TRIM37: variants seen among roughly 807,000 people sequenced by gnomAD.
TRIM37 encodes the protein E3 ubiquitin-protein ligase TRIM37.
A neutral mutation model predicts 129.8 loss-of-function variants in TRIM37; 80 were observed. That is an observed-to-expected ratio of 0.62 (90% confidence interval 0.51 to 0.74). TRIM37 has a LOEUF of 0.74. Ranked by LOEUF, TRIM37 falls within the 30% of genes least tolerant of loss-of-function variation. The pLI, the probability that TRIM37 is intolerant of heterozygous loss-of-function variation, is 0.00. For synonymous variants in TRIM37, 389 were observed against 387.1 expected, an observed-to-expected ratio of 1.00 and a Z score of -0.06; for missense variants, 1,054 against 1,176.5, an observed-to-expected ratio of 0.90 and a Z score of 1.52.
At chr17:59,024,552 G>A (rs544346266) in intron 19 of TRIM37, among the ~76,000 whole-genome samples, 1 of 152,306 alleles carries the variant, frequency 6.6e-6, no homozygotes, top group East Asian at 1.9e-4. Context: ...TTTTAAGAGA[G>A]AGAGAGAGAC....
At chr17:58,982,890 T>A in exon 25 of TRIM37, 1 of 1,570,468 alleles carries the variant, frequency 6.4e-7, no homozygotes, top group Non-Finnish European at 8.7e-7. Flanking sequence ...TGTTAACCCA[T>A]CAGGTGCAGT....
In TRIM37 at chr17:59,028,443, T is replaced by C. The variant is rs1555650856; in HGVS notation, c.2229A>G (p.Ser743=). ...QDLGMELLAK[S]SVANCYIRNS... Reference sequence around the variant, plus strand: ...TTCGTATGTAACAATTGGCAACTGATGACTTTGCCAGGAGTTCCATTCCCA... The same window carrying C: ...TTCGTATGTAACAATTGGCAACTGACGACTTTGCCAGGAGTTCCATTCCCA... Residue 743 remains serine (S), a synonymous_variant, in exon 19 of 24, where the codon TCA becomes TCG. Transcript: ENST00000262294. 1 of 1,613,720 alleles carries C rather than the reference T, an allele frequency of 6.2e-7. No individual in the cohort carries two copies. The highest frequency in any genetic ancestry group is 8.5e-7 in the Non-Finnish European group (1 of 1,180,034).
intron 12 of TRIM37, among the ~76,000 whole-genome samples, chr17:59,060,751 T>C (rs1376287013): frequency 6.6e-6 from 1 of 152,130 alleles, no homozygotes; most frequent in Admixed American, 6.5e-5. Flanking sequence ...TCAATCAAAA[T>C]GATATTTTAA....
chr17:59,001,768 G>C (rs1393314275), intron 22 of TRIM37, 54 bp from the exon 23 acceptor site: 3 of 1,605,044 alleles, frequency 1.9e-6, no homozygotes, highest in East Asian at 2.2e-5. Flanking sequence ...GTAAGTAAAA[G>C]GAAACAGAAA....
chr17:59,008,675 G>T (rs1240106807), intron 22 of TRIM37, among the ~76,000 whole-genome samples: 1 of 152,132 alleles, frequency 6.6e-6, no homozygotes, highest in African/African-American at 2.4e-5. Flanking sequence ...GAGGCAGAAG[G>T]ATCATTTGAG....
intron 2 of TRIM37, among the ~76,000 whole-genome samples, chr17:59,099,562 G>T (rs574322154): frequency 6.6e-6 from 1 of 151,956 alleles, no homozygotes; most frequent in African/African-American, 2.4e-5. Context: ...AAAATGGGGG[G>T]CACTGAACAG....
chr17:59,074,218 T>C (rs11650456), intron 8 of TRIM37, among the ~76,000 whole-genome samples: 50,727 of 152,192 alleles, frequency 0.33, 8,967 homozygotes, highest in Middle Eastern at 0.49. Context: ...ATTTTAATCT[T>C]GTGGGACCAC....
At chr17:58,973,550 C>CA in the TRIM37 span, among the ~76,000 whole-genome samples, 1 of 151,764 alleles carries the variant, frequency 6.6e-6, no homozygotes, top group South Asian at 2.1e-4. Context: ...CACAGTGGCT[C>CA]ACGCCTGTAA....
intron 16 of TRIM37, among the ~76,000 whole-genome samples, chr17:59,046,857 A>G (rs1478743866): frequency 6.6e-6 from 1 of 151,182 alleles, no homozygotes; most frequent in African/African-American, 2.4e-5. Flanking sequence ...AAATTTTTAA[A>G]AAAGTAACCC....
rs749441889 is a variant in TRIM37 at position 59,012,215 on chromosome 17, C to CCAGCAGCAGCAGCAGCAGCAGCAGCAG, written c.2695+112_2695+113insCTGCTGCTGCTGCTGCTGCTGCTGCTG. On this transcript the variant is annotated intron_variant, in intron 22 of 23. Coordinates refer to ENST00000262294, the MANE Select transcript of TRIM37 (RefSeq NM_015294.6). Reference sequence around the variant, plus strand: ...CCACTCCCTATCCCTATCACTACCACCAGCAGCAGCAGCACCACCACCACC... The same window carrying CCAGCAGCAGCAGCAGCAGCAGCAGCAG: ...CCACTCCCTATCCCTATCACTACCACCAGCAGCAGCAGCAGCAGCAGCAGCAGCAGCAGCAGCAGCACCACCACCACC... The CCAGCAGCAGCAGCAGCAGCAGCAGCAG allele has an allele frequency of 2.1e-5, 12 of 567,552 alleles. No individual in the cohort carries two copies. The African/African-American group carries it at 2.5e-4, about 12-fold the overall frequency. The allele number at this position is 567,552 out of a possible 1,614,324, so 35.2% of individuals were successfully genotyped here.
rs1343994189 is a variant in TRIM37, at chr17:58,998,903, A to G, written c.*474T>C. 5.9e-6 allele frequency: 6 copies of G among 1,017,140 alleles called. No homozygotes were observed. Among genetic ancestry groups the G allele is most frequent in the Non-Finnish European group, 7.1e-6 (6 of 848,606 alleles). The allele number at this position is 1,017,140 out of a possible 1,614,324, so 63.0% of individuals were successfully genotyped here. ...TACAGGGCAGAATCTCTTCCAAAGC[A>G]ATTTTCTGTTCACTAATCTACAGGC... On this transcript the variant is annotated 3_prime_UTR_variant, in exon 24 of 24. Coordinates refer to ENST00000262294, the MANE Select transcript of TRIM37 (RefSeq NM_015294.6).
At position 59,056,716 on chromosome 17, in the gene TRIM37, CAAAAAAAAAAAAAAAAA is replaced by C. The variant is rs869221576; in HGVS notation, c.1199+142_1199+158del. ...GGGCGACAGAGCGAGACTATGTCTC[CAAAAAAAAAAAAAAAAA>C]AAAAAAAAAAAAAAGGTGATAAGGT... On this transcript the variant is annotated intron_variant, in intron 13 of 23. Coordinates refer to ENST00000262294, the MANE Select transcript of TRIM37 (RefSeq NM_015294.6). Among the ~76,000 whole-genome samples the C allele has an allele frequency of 1.2e-3, 45 of 38,056 alleles. 1 individual carries two copies. The highest frequency in any genetic ancestry group is 2.9e-3 in the African/African-American group (36 of 12,432). The allele number at this position is 38,056 out of a possible 152,430, so 25.0% of individuals were successfully genotyped here.
intron 19 of TRIM37, among the ~76,000 whole-genome samples, chr17:59,022,951 G>C (rs1027695497): frequency 6.6e-6 from 1 of 152,116 alleles, no homozygotes; most frequent in Non-Finnish European, 1.5e-5. Context: ...GCACAGGCTT[G>C]TTGTACTGTA....
chr17:59,024,858 C>G (rs1426341002), intron 19 of TRIM37, among the ~76,000 whole-genome samples: 1 of 152,194 alleles, frequency 6.6e-6, no homozygotes, highest in Admixed American at 6.5e-5. Context: ...TAAAGCAATT[C>G]CAGTCAAAAT....
chr17:59,098,217 TA>T lies in TRIM37; in HGVS notation c.123+6075del, dbSNP rs573479527. On this transcript the variant is annotated intron_variant, in intron 2 of 23. Transcript: ENST00000262294. ...AGGTAGAATAGTGGTTAACAGGGGCTAGGGGGAAGAGAATAATGAGAATTTA... is the reference window on the plus strand; with the variant it reads ...AGGTAGAATAGTGGTTAACAGGGGCTGGGGGAAGAGAATAATGAGAATTTA... 1.8e-3 allele frequency among the ~76,000 whole-genome samples: 275 copies of T among 152,278 alleles called. 3 individuals carry two copies. Among genetic ancestry groups the T allele is most frequent in the African/African-American group, 6.2e-3 (257 of 41,570 alleles).
intron 11 of TRIM37, among the ~76,000 whole-genome samples, chr17:59,061,633 C>G (rs2146504061): frequency 6.6e-6 from 1 of 151,900 alleles, no homozygotes; most frequent in South Asian, 2.1e-4. Flanking sequence ...TAATTACTCC[C>G]TCCCTTTTTG....
chr17:59,031,849 T>C (rs1188964417), intron 18 of TRIM37, 47 bp downstream of exon 18: 2 of 1,588,612 alleles, frequency 1.3e-6, no homozygotes, highest in South Asian at 2.2e-5. Flanking sequence ...AAGAGTTCTT[T>C]TAGAGAACCA....
intron 10 of TRIM37, 149 bp downstream of exon 10, chr17:59,064,206 A>G: frequency 1.5e-6 from 1 of 667,350 alleles, no homozygotes; most frequent in African/African-American, 1.8e-5. Flanking sequence ...AGCACAAATT[A>G]TCTCTACATT....
chr17:59,085,916 T>G (rs972590182), intron 4 of TRIM37, among the ~76,000 whole-genome samples: 1 of 152,084 alleles, frequency 6.6e-6, no homozygotes, highest in African/African-American at 2.4e-5. Flanking sequence ...TTATGCTAAG[T>G]AAAATAAACC....
Sources: gnomAD v4.1 joint callset for allele counts (sites outside exome capture counted in the v4.1 genomes callset) on GRCh38, gnomAD v4.1.1 for gene constraint, MANE v1.5 for transcripts, NCBI Gene and HGNC (gene_info 2026-07-23, HGNC 2026-07-21) for gene names.